The following CFAP20DC variants were observed in gnomAD, a reference collection of about 807,000 sequenced individuals.
The protein encoded by CFAP20DC is CFAP20 domain containing, also known as protein CFAP20DC.
Under a neutral mutation model 101.7 loss-of-function variants are expected in CFAP20DC, and 84 were observed. That is an observed-to-expected ratio of 0.83 (90% CI 0.69 to 0.99). The LOEUF (loss-of-function observed/expected upper bound fraction) is 0.99. Ranked by LOEUF, CFAP20DC falls within the 50% of genes least tolerant of loss-of-function variation. The pLI is 0.00. For missense variants in CFAP20DC, 1,007 were observed against 970.3 expected, an observed-to-expected ratio of 1.04 and a Z score of -0.50; for synonymous variants, 359 against 351.2, an observed-to-expected ratio of 1.02 and a Z score of -0.25.
rs1699844521 is a variant in CFAP20DC, at chr3:59,046,167, A to C, written c.205+62T>G. The C allele has an allele frequency of 1.3e-5, 15 of 1,116,482 alleles. No homozygotes were observed. In the South Asian group the frequency reaches 1.7e-4, roughly 12 times the overall value. The allele number at this position is 1,116,482 out of a possible 1,614,324, so 69.2% of individuals were successfully genotyped here. Reference sequence around the variant, plus strand: ...AGTCATACTAATGTGCCTGTTTATGAGACATAAAAGCAGAACTTTGAGTAC... The same window carrying C: ...AGTCATACTAATGTGCCTGTTTATGCGACATAAAAGCAGAACTTTGAGTAC... On this transcript the variant is annotated intron_variant, in intron 3 of 16. Coordinates refer to ENST00000482387, the MANE Select transcript of CFAP20DC (RefSeq NM_001394063.1).
chr3:58,915,782 GTTCT>G (rs1404621797), intron 5 of CFAP20DC, among the ~76,000 whole-genome samples: 1 of 152,112 alleles, frequency 6.6e-6, no homozygotes, highest in Non-Finnish European at 1.5e-5. Context: ...ACGAAATACA[GTTCT>G]TTGTCACCCT....
At chr3:58,783,244 T>C (rs1459818882) in intron 15 of CFAP20DC, among the ~76,000 whole-genome samples, 1 of 151,980 alleles carries the variant, frequency 6.6e-6, no homozygotes. Flanking sequence ...AGAATAAAAC[T>C]AGATGCCTAC....
chr3:58,999,754 C>T (rs532848300), intron 4 of CFAP20DC, among the ~76,000 whole-genome samples: 1 of 148,142 alleles, frequency 6.8e-6, no homozygotes, highest in African/African-American at 2.5e-5. Flanking sequence ...AGAAATACTA[C>T]ATCTGAATTT....
chr3:58,726,913 G>A, intron 3 of CFAP20DC: 1 of 237,398 alleles, frequency 4.2e-6, no homozygotes. Context: ...CATCAGAAGA[G>A]ATGAGAGCGA....
chr3:58,750,468 CA>C (rs1206997139), intron 16 of CFAP20DC, among the ~76,000 whole-genome samples: 2 of 152,160 alleles, frequency 1.3e-5, no homozygotes, highest in Non-Finnish European at 2.9e-5. Context: ...GCCCGGAACA[CA>C]GGAAGATTAA....
intron 4 of CFAP20DC, among the ~76,000 whole-genome samples, chr3:58,957,569 C>T (rs1224583495): frequency 6.6e-6 from 1 of 152,174 alleles, no homozygotes; most frequent in Non-Finnish European, 1.5e-5. Flanking sequence ...TGTTGCAGCA[C>T]TCTTCACAAT....
chr3:58,836,740 C>T (rs1272414681), intron 13 of CFAP20DC, among the ~76,000 whole-genome samples: 1 of 151,840 alleles, frequency 6.6e-6, no homozygotes, highest in African/African-American at 2.4e-5. Context: ...CAAGGACTAT[C>T]GAACAATCTC....
rs1456766169 is a variant in CFAP20DC at position 58,899,941 on chromosome 3, A to G, written c.550+13767T>C. Among the ~76,000 whole-genome samples, 1 of 152,182 alleles carries G rather than the reference A, an allele frequency of 6.6e-6. No individual in the cohort carries two copies. The highest frequency in any genetic ancestry group is 1.5e-5 in the Non-Finnish European group (1 of 68,032). The stretch of plus-strand genomic sequence containing the variant: ...CCATCCTGGCCCTCTCTCCCCACAG[A>G]TAATTCTTTAATTAAAATTTTGCTA... On this transcript the variant is annotated intron_variant, in intron 6 of 16. Transcript: ENST00000482387. The surrounding 1 kb of genome is among the most constrained non-coding windows in gnomAD (Gnocchi z 5.0).
chr3:58,736,607 C>G (rs942508870), intron 3 of CFAP20DC, among the ~76,000 whole-genome samples: 2 of 152,224 alleles, frequency 1.3e-5, no homozygotes, highest in African/African-American at 4.8e-5. Context: ...GAGCACCTCA[C>G]TCCCATGGCT....
rs765752571 is a variant in CFAP20DC, at chr3:59,006,085, G to A, written c.278+33472C>T. Among the ~76,000 whole-genome samples the A allele has an allele frequency of 2.0e-5, 3 of 152,030 alleles. No individual in the cohort carries two copies. The highest frequency in any genetic ancestry group is 4.4e-5 in the Non-Finnish European group (3 of 68,010). On this transcript the variant is annotated intron_variant, in intron 4 of 16. Transcript: ENST00000482387. This position sits in a 1 kb window ranked among gnomAD's most constrained non-coding sequence, Gnocchi z 4.3. ...CATTTATATGTGTTTTTATAAATAT[G>A]TAATATACTGTGTATATGTATATAT...
Position 58,904,258 on chromosome 3 carries a change from T to C in CFAP20DC, c.550+9450A>G, listed in dbSNP as rs184698276. ...CTATTGTAAATGGAATTGTTATTTT[T>C]AGAGTTTCTGAGAGATGAGGTTCTA... On this transcript the variant is annotated intron_variant, in intron 6 of 16. Transcript: ENST00000482387. 1.3e-3 allele frequency among the ~76,000 whole-genome samples: 193 copies of C among 152,194 alleles called. 2 individuals are homozygous for C. Among genetic ancestry groups the C allele is most frequent in the Admixed American group, 9.5e-3 (145 of 15,292 alleles).
intron 15 of CFAP20DC, among the ~76,000 whole-genome samples, chr3:58,783,463 C>G (rs993438046): frequency 5.3e-5 from 8 of 151,688 alleles, no homozygotes; most frequent in Admixed American, 3.3e-4. Flanking sequence ...CACAGCAAAA[C>G]AGAAGAACAA....
chr3:58,934,827 G>C (rs2087290157), intron 5 of CFAP20DC, among the ~76,000 whole-genome samples: 1 of 152,150 alleles, frequency 6.6e-6, no homozygotes, highest in Non-Finnish European at 1.5e-5. Context: ...TACTGAATGG[G>C]CAAAAACTGG....
intron 15 of CFAP20DC, among the ~76,000 whole-genome samples, chr3:58,805,278 A>C (rs561115783): frequency 6.6e-6 from 1 of 152,294 alleles, no homozygotes; most frequent in East Asian, 1.9e-4. Context: ...GTCCTTAGAG[A>C]GAAGAATGGA....
At chr3:58,947,943 G>T (rs1376256998) in intron 4 of CFAP20DC, among the ~76,000 whole-genome samples, 1 of 152,206 alleles carries the variant, frequency 6.6e-6, no homozygotes, top group East Asian at 1.9e-4. Flanking sequence ...GGAGATGGGA[G>T]CACATAATCA....
intron 14 of CFAP20DC, among the ~76,000 whole-genome samples, chr3:58,811,279 G>A (rs867087672): frequency 6.6e-6 from 1 of 152,114 alleles, no homozygotes; most frequent in Non-Finnish European, 1.5e-5. Context: ...AAAGCTGGAG[G>A]CATCACGTTA....
chr3:58,882,209 G>A lies in CFAP20DC; in HGVS notation c.715+2336C>T, dbSNP rs539383372. 1.6e-4 allele frequency among the ~76,000 whole-genome samples: 25 copies of A among 152,194 alleles called. No individual in the cohort carries two copies. The highest frequency in any genetic ancestry group is 2.4e-4 in the African/African-American group (10 of 41,554). On this transcript the variant is annotated intron_variant, in intron 7 of 16. Coordinates refer to ENST00000482387, the MANE Select transcript of CFAP20DC (RefSeq NM_001394063.1). The surrounding 1 kb of genome is among the most constrained non-coding windows in gnomAD (Gnocchi z 4.2). ...ACTATGCATTGAGAGCCCTTTTATG[G>A]AAATTGCAAAATATATATTAATATC...
In CFAP20DC at chr3:58,729,088, G is replaced by A. The variant is rs1263346927; in HGVS notation, c.198-11460C>T. Among the ~76,000 whole-genome samples, 1 of 152,180 alleles carries A rather than the reference G, an allele frequency of 6.6e-6. No homozygotes were observed. Among genetic ancestry groups the A allele is most frequent in the Non-Finnish European group, 1.5e-5 (1 of 68,030 alleles). On this transcript the variant is annotated intron_variant, in intron 3 of 3. Transcript: ENST00000486145. The surrounding 1 kb of genome is among the most constrained non-coding windows in gnomAD (Gnocchi z 4.4). Reference sequence around the variant, plus strand: ...CAAGTAAAACCTTCAGATGGCTGCAGTCTGGACCAAAAAATCTTGACTGCA... The same window carrying A: ...CAAGTAAAACCTTCAGATGGCTGCAATCTGGACCAAAAAATCTTGACTGCA...
chr3:58,825,240 T>A (rs1393208290), intron 14 of CFAP20DC, among the ~76,000 whole-genome samples: 7 of 152,098 alleles, frequency 4.6e-5, no homozygotes, highest in African/African-American at 1.7e-4. Flanking sequence ...TCCTAGAAAT[T>A]CTGTTCTGAT....
Sources: allele counts gnomAD v4.1 joint callset (sites outside exome capture counted in the v4.1 genomes callset), GRCh38; gene constraint gnomAD v4.1.1; non-coding constraint Gnocchi (gnomAD v3.1); transcripts MANE v1.5; gene names NCBI Gene and HGNC (gene_info 2026-07-23, HGNC 2026-07-21).